Variants in LILRA1 observed in about 807,000 individuals in gnomAD.
LILRA1 encodes the protein leukocyte immunoglobulin like receptor A1.
In LILRA1, 51 loss-of-function variants were observed where a neutral mutation model predicts 51.6. That is an observed-to-expected ratio of 0.99 (90% CI 0.79 to 1.25). The LOEUF (loss-of-function observed/expected upper bound fraction) is 1.25. LILRA1 is among the 50% of genes most tolerant of loss of function. The pLI, the probability that LILRA1 is intolerant of heterozygous loss-of-function variation, is 0.00. For missense variants in LILRA1, 660 were observed against 611.7 expected (o/e 1.08, Z -0.83); for synonymous variants, 305 against 248.4 (o/e 1.23, Z -2.14).
Position 54,596,302 on chromosome 19 carries a change from A to T in LILRA1, c.1072A>T (p.Thr358Ser). 1 of 1,613,948 alleles carries T rather than the reference A, an allele frequency of 6.2e-7. No homozygotes were observed. Among genetic ancestry groups the T allele is most frequent in the African/African-American group, 1.3e-5 (1 of 74,938 alleles). Reference protein sequence around the residue: ...SWGPFHTFLLTKAGAADAPLR... With the variant: ...SWGPFHTFLLSKAGAADAPLR... ...GGGGCCGTTCCACACTTTCCTTCTGACCAAGGCGGGAGCAGCTGATGCCCC... is the reference window on the plus strand; with the variant it reads ...GGGGCCGTTCCACACTTTCCTTCTGTCCAAGGCGGGAGCAGCTGATGCCCC... Residue 358 changes from threonine to serine, a missense_variant, in exon 7 of 10, where the codon ACC becomes TCC. Transcript: ENST00000251372.
At chr19:54,600,031 T>C (rs2063136364) in intron 8 of LILRA1, among the ~76,000 whole-genome samples, 1 of 152,214 alleles carries the variant, frequency 6.6e-6, no homozygotes. Flanking sequence ...AAATGGAAGA[T>C]GAAACCCCAG....
intron 8 of LILRA1, among the ~76,000 whole-genome samples, chr19:54,600,058 T>A (rs1382559914): frequency 6.6e-6 from 1 of 152,196 alleles, no homozygotes; most frequent in South Asian, 2.1e-4. Context: ...TGGCTGAGGC[T>A]GTGTGAAGAA....
intron 8 of LILRA1, among the ~76,000 whole-genome samples, 185 bp from the exon 9 acceptor site, chr19:54,600,327 C>T (rs2063141379): frequency 6.6e-6 from 1 of 152,134 alleles, no homozygotes; most frequent in African/African-American, 2.4e-5. Flanking sequence ...GAGTAACATT[C>T]GAATTTCTAG....
chr19:54,593,874 C>A, intron 1 of LILRA1, 93 bp downstream of exon 1: 1 of 577,866 alleles, frequency 1.7e-6, no homozygotes, highest in Non-Finnish European at 3.1e-6. Context: ...GCCTCCGTTA[C>A]CCTCATCTGG....
rs571010353 is a variant in LILRA1 at position 54,596,330 on chromosome 19, T to C, written c.1100T>C (p.Leu367Pro). The change falls in exon 7 of 10, where the codon CTC (leucine) becomes CCC (proline). Residue 367 changes from leucine to proline, a missense_variant. By Grantham distance (98) the Leu-to-Pro change is moderately conservative. Coordinates refer to ENST00000251372, the MANE Select transcript of LILRA1 (RefSeq NM_006863.4). ...AAGGCGGGAGCAGCTGATGCCCCCC[T>C]CCGTCTCAGATCAATACACGAATAT... ...LTKAGAADAP[L>P]RLRSIHEYPK... 6 of 1,613,986 alleles carry C rather than the reference T, an allele frequency of 3.7e-6. No homozygotes were observed. In the African/African-American group the frequency reaches 8.0e-5, roughly 22 times the overall value.
At position 54,595,277 on chromosome 19, in the gene LILRA1, G is replaced by T. The variant is rs922288206; in HGVS notation, c.536G>T (p.Arg179Leu). Residue 179 changes from arginine to leucine, a missense_variant, in exon 5 of 10, where the codon CGG becomes CTG. Arg to Leu is a moderately radical substitution (Grantham distance 102, BLOSUM62 -2). Coordinates refer to ENST00000251372, the MANE Select transcript of LILRA1 (RefSeq NM_006863.4). The part of the protein sequence containing the change: ...NSQPRTHGWS[R>L]AIFSVGPVSP... Reference sequence around the variant, plus strand: ...CAGCCCCGTACCCATGGGTGGTCCCGGGCCATCTTCTCTGTGGGCCCCGTG... The same window carrying T: ...CAGCCCCGTACCCATGGGTGGTCCCTGGCCATCTTCTCTGTGGGCCCCGTG... 5.6e-6 allele frequency: 9 copies of T among 1,613,944 alleles called. No individual in the cohort carries two copies. In the South Asian group the frequency reaches 8.8e-5, roughly 16 times the overall value.
rs2063147786 is a variant in LILRA1, at chr19:54,600,694, C to T, written c.1352-5C>T. The T allele has an allele frequency of 1.2e-6, 2 of 1,613,976 alleles. No individual in the cohort carries two copies. The highest frequency in any genetic ancestry group is 1.7e-6 in the Non-Finnish European group (2 of 1,179,966). On this transcript the variant is annotated splice_polypyrimidine_tract_variant and splice_region_variant and intron_variant, in intron 9 of 9. Transcript: ENST00000251372. Reference sequence around the variant, plus strand: ...CTCTGTGACCTCTTTGCCCACCATCCCCAGCCTCACACCCCCAGGATTACA... The same window carrying T: ...CTCTGTGACCTCTTTGCCCACCATCTCCAGCCTCACACCCCCAGGATTACA...
intron 2 of LILRA1, 75 bp from the exon 3 acceptor site, chr19:54,594,366 C>A: frequency 1.2e-6 from 2 of 1,614,114 alleles, no homozygotes; most frequent in Non-Finnish European, 1.7e-6. Flanking sequence ...ACCCCAGGGG[C>A]TCACAAAGAT....
chr19:54,594,607 G>A, intron 3 of LILRA1, 58 bp from the exon 4 acceptor site: 1 of 1,607,106 alleles, frequency 6.2e-7, no homozygotes, highest in South Asian at 1.1e-5. Context: ...CCTGGGCTGA[G>A]AGCTGAGATA....
At chr19:54,600,300 C>A (rs2063140934) in intron 8 of LILRA1, among the ~76,000 whole-genome samples, 1 of 152,168 alleles carries the variant, frequency 6.6e-6, no homozygotes, top group Non-Finnish European at 1.5e-5. Flanking sequence ...GGAAAACGCC[C>A]TCCCCAAATG....
At chr19:54,594,542 A>C (rs533353815) in intron 3 of LILRA1, 66 bp downstream of exon 3, 45 of 1,613,778 alleles carry the variant, frequency 2.8e-5, no homozygotes, top group South Asian at 1.2e-4. Context: ...ACCCCCGTGC[A>C]GCTGGGGATG....
rs772540119 is a variant in LILRA1 at position 54,595,846 on chromosome 19, C to T, written c.869C>T (p.Ser290Phe). The change falls in exon 6 of 10, where the codon TCC becomes TTC. Residue 290 changes from serine (S) to phenylalanine (F), a missense_variant. Physicochemically the swap from Ser to Phe is radical, Grantham distance 155. Transcript: ENST00000251372. ...TTCACCCTGGGCCCTGTGAGCCGCT[C>T]CTACGGGGGCCAGTACAGATGCTCC... ...ANFTLGPVSR[S>F]YGGQYRCSGA... 1.1e-5 allele frequency: 18 copies of T among 1,614,046 alleles called. No homozygotes were observed. Among genetic ancestry groups the T allele is most frequent in the Non-Finnish European group, 1.4e-5 (16 of 1,180,002 alleles).
chr19:54,594,223 C>A lies in LILRA1; in HGVS notation c.-22C>A. On this transcript the variant is annotated 5_prime_UTR_variant, in exon 2 of 10. Coordinates refer to ENST00000251372, the MANE Select transcript of LILRA1 (RefSeq NM_006863.4). ...ACCGAGGGCTCATCCATCCGCAGAG[C>A]AGGGCAGTGGGAGGAGACGCTATGA... is the stretch of plus-strand genomic sequence containing the variant. The A allele has an allele frequency of 1.9e-6, 3 of 1,612,994 alleles. No individual in the cohort carries two copies. The South Asian group carries it at 3.3e-5, about 18-fold the overall frequency.
chr19:54,596,281 C>T lies in LILRA1; in HGVS notation c.1051C>T (p.Pro351Ser), dbSNP rs1168220114. 6.2e-7 allele frequency: 1 copy of T among 1,612,760 alleles called. No individual in the cohort carries two copies. The highest frequency in any genetic ancestry group is 1.3e-5 in the African/African-American group (1 of 74,272). Residue 351 changes from proline (P) to serine (S), a missense_variant, in exon 7 of 10, where the codon CCG becomes TCG. Physicochemically the swap from Pro to Ser is moderately conservative, Grantham distance 74. Coordinates refer to ENST00000251372, the MANE Select transcript of LILRA1 (RefSeq NM_006863.4). ...NVTLLCQSWGPFHTFLLTKAG... is the reference protein window; with the variant it reads ...NVTLLCQSWGSFHTFLLTKAG... The stretch of plus-strand genomic sequence containing the variant: ...GACCCTGCTGTGTCAGTCATGGGGG[C>T]CGTTCCACACTTTCCTTCTGACCAA...
Position 54,599,262 on chromosome 19 carries a change from C to A in LILRA1, c.1288C>A (p.Gln430Lys), listed in dbSNP as rs1378385265. 2 of 1,573,864 alleles carry A rather than the reference C, an allele frequency of 1.3e-6. No homozygotes were observed. The highest frequency in any genetic ancestry group is 1.7e-4 in the Middle Eastern group (1 of 5,794). ...SGAAETLSPP[Q>K]NKSDSKAGAA... ...AGCAGCTGAGACCCTCAGCCCACCA[C>A]AAAACAAGTCCGATTCCAAGGCTGG... Residue 430 changes from glutamine (Q) to lysine (K), a missense_variant, in exon 8 of 10, where the codon CAA becomes AAA. By Grantham distance (53) the Gln-to-Lys change is moderately conservative. Coordinates refer to ENST00000251372, the MANE Select transcript of LILRA1 (RefSeq NM_006863.4).
At position 54,600,941 on chromosome 19, in the gene LILRA1, T is replaced by A. The variant is rs528701756; in HGVS notation, c.*124T>A. The A allele has an allele frequency of 4.6e-4, 487 of 1,047,784 alleles. 6 individuals carry two copies. The South Asian group carries it at 5.2e-3, about 11-fold the overall frequency. The allele number at this position is 1,047,784 out of a possible 1,614,324, so 64.9% of individuals were successfully genotyped here. A position where few individuals can be genotyped will look rare whatever the true frequency, so the allele number is the denominator to read the frequency against. ...AATTTAGGGCTGATGCTATCTGGAC[T>A]GTCTGCCAATCATTTTTAGAGGGAG... is the stretch of plus-strand genomic sequence containing the variant. On this transcript the variant is annotated 3_prime_UTR_variant, in exon 10 of 10. Transcript: ENST00000251372.
At chr19:54,600,594 T>A in intron 9 of LILRA1, 44 bp downstream of exon 9, 1 of 1,613,274 alleles carries the variant, frequency 6.2e-7, no homozygotes. Flanking sequence ...GGCACAAGGG[T>A]TGGGTCCTGT....
intron 7 of LILRA1, 50 bp from the exon 8 acceptor site, chr19:54,599,186 T>C (rs759582910): frequency 6.7e-7 from 1 of 1,498,122 alleles, no homozygotes; most frequent in South Asian, 1.1e-5. Context: ...TAGAATTTGT[T>C]ATATAAGTTA....
chr19:54,598,949 C>T (rs1398380295), intron 7 of LILRA1, among the ~76,000 whole-genome samples: 1 of 152,044 alleles, frequency 6.6e-6, no homozygotes, highest in African/African-American at 2.4e-5. Context: ...GCGCCCGCCA[C>T]CATGCCCCGC....
Sources: gnomAD v4.1 joint callset for allele counts (sites outside exome capture counted in the v4.1 genomes callset) on GRCh38, gnomAD v4.1.1 for gene constraint, MANE v1.5 for transcripts, NCBI Gene and HGNC (gene_info 2026-07-23, HGNC 2026-07-21) for gene names.